Variants in ARHGAP23 observed in about 807,000 individuals in gnomAD.
ARHGAP23 encodes the protein rho GTPase-activating protein 23.
ARHGAP23 carries 34 observed loss-of-function variants against 136.3 expected under a neutral mutation model. The observed-to-expected ratio is 0.25, with a 90% CI of 0.19 to 0.33. The LOEUF is 0.33. ARHGAP23 is among the 10% of genes least tolerant of loss of function. The probability of loss-of-function intolerance (pLI) is 1.00; values close to 1 mark genes in which losing one functional copy is unlikely to be tolerated. For missense variants in ARHGAP23, 1,808 were observed against 2,139.0 expected (o/e 0.85, Z 3.05); for synonymous variants, 832 against 920.5 (o/e 0.90, Z 1.74).
At chr17:38,493,546 C>A (rs1026927810) in intron 20 of ARHGAP23, among the ~76,000 whole-genome samples, 12 of 152,214 alleles carry the variant, frequency 7.9e-5, no homozygotes, top group Non-Finnish European at 1.5e-4. Context: ...GAGCTAGTGT[C>A]CTTCCCTTCT....
intron 6 of ARHGAP23, among the ~76,000 whole-genome samples, chr17:38,464,349 C>T (rs1424830013): frequency 6.6e-6 from 1 of 152,146 alleles, no homozygotes; most frequent in African/African-American, 2.4e-5. Context: ...GGAGCCCCGG[C>T]GGTCCGCTTT....
chr17:38,444,236 G>A (rs994216643), intron 1 of ARHGAP23, among the ~76,000 whole-genome samples: 5 of 152,072 alleles, frequency 3.3e-5, no homozygotes, highest in African/African-American at 7.2e-5. Context: ...CCTTCTGCTC[G>A]CTCTGGGTTG....
intron 2 of ARHGAP23, among the ~76,000 whole-genome samples, chr17:38,460,432 C>T (rs1001163077): frequency 2.3e-4 from 35 of 152,270 alleles, no homozygotes; most frequent in Admixed American, 1.2e-3. Context: ...CTGCACACCC[C>T]GCCTCCCTTG....
intron 1 of ARHGAP23, among the ~76,000 whole-genome samples, chr17:38,436,770 A>T (rs921456822): frequency 6.6e-6 from 1 of 152,146 alleles, no homozygotes; most frequent in Non-Finnish European, 1.5e-5. Context: ...TATTAATGTA[A>T]AAACGGCCCA....
At chr17:38,472,471 T>C (rs1287184022) in intron 11 of ARHGAP23, among the ~76,000 whole-genome samples, 2 of 151,976 alleles carry the variant, frequency 1.3e-5, no homozygotes, top group Admixed American at 1.3e-4. Context: ...AAATATTCAT[T>C]TGGCTCCCTG....
chr17:38,470,017 T>C, intron 10 of ARHGAP23, 113 bp downstream of exon 10: 1 of 1,304,378 alleles, frequency 7.7e-7, no homozygotes, highest in Non-Finnish European at 1.1e-6. Context: ...GCTCCTGCCT[T>C]CCTCCTCCTC....
At chr17:38,430,955 C>G (rs1354042142) in intron 1 of ARHGAP23, among the ~76,000 whole-genome samples, 1 of 152,204 alleles carries the variant, frequency 6.6e-6, no homozygotes, top group Non-Finnish European at 1.5e-5. Context: ...TTGATCCTCA[C>G]AATACCACTA....
chr17:38,503,424 T>A (rs56237387), intron 23 of ARHGAP23, among the ~76,000 whole-genome samples: 1 of 152,342 alleles, frequency 6.6e-6, no homozygotes, highest in Non-Finnish European at 1.5e-5. Context: ...AGAAGCATCA[T>A]GGGCAGGCCG....
At chr17:38,481,783 CT>C (rs1441555214) in intron 14 of ARHGAP23, among the ~76,000 whole-genome samples, 1 of 152,190 alleles carries the variant, frequency 6.6e-6, no homozygotes, top group Admixed American at 6.5e-5. Flanking sequence ...TGGCTTCCGC[CT>C]TGTAGTTTTG....
intron 1 of ARHGAP23, among the ~76,000 whole-genome samples, chr17:38,448,373 G>A (rs2039080249): frequency 6.6e-6 from 1 of 152,126 alleles, no homozygotes; most frequent in African/African-American, 2.4e-5. Context: ...CGTCGAAACA[G>A]CCTGCATTTA....
chr17:38,440,465 A>G (rs1242705087), intron 1 of ARHGAP23, among the ~76,000 whole-genome samples: 3 of 152,252 alleles, frequency 2.0e-5, no homozygotes, highest in African/African-American at 4.8e-5. Flanking sequence ...CAACTTCTAC[A>G]TGCCAGGCAC....
intron 2 of ARHGAP23, among the ~76,000 whole-genome samples, chr17:38,460,376 T>C (rs1250235423): frequency 1.3e-5 from 2 of 152,210 alleles, no homozygotes; most frequent in South Asian, 4.1e-4. Flanking sequence ...AACTCAGCGA[T>C]TCAGCCCCTG....
rs1025130559 is a variant in ARHGAP23, at chr17:38,466,537, A to G, written c.854A>G (p.Gln285Arg). The change falls in exon 7 of 24, where the codon CAG (glutamine) becomes CGG (arginine). Residue 285 changes from glutamine (Q) to arginine (R), a missense_variant. Gln to Arg is a conservative substitution (Grantham distance 43, BLOSUM62 1). Transcript: ENST00000622683. Reference sequence around the variant, plus strand: ...GTGCCCCCCAGCAGACTGGAGTGCCAGCAGGCCTTGTCACACTGGCTGTCA... The same window carrying G: ...GTGCCCCCCAGCAGACTGGAGTGCCGGCAGGCCTTGTCACACTGGCTGTCA... ...SRVPPSRLEC[Q>R]QALSHWLSNQ... The G allele has an allele frequency of 6.8e-7, 1 of 1,477,846 alleles. No homozygotes were observed. The highest frequency in any genetic ancestry group is 8.9e-7 in the Non-Finnish European group (1 of 1,119,264). The allele number at this position is 1,477,846 out of a possible 1,614,324, so 91.5% of individuals were successfully genotyped here.
chr17:38,439,934 T>A (rs924380171), intron 1 of ARHGAP23, among the ~76,000 whole-genome samples: 2 of 151,998 alleles, frequency 1.3e-5, no homozygotes, highest in Admixed American at 6.6e-5. Flanking sequence ...CTCATCGTGT[T>A]GACCAGGCTG....
rs572857474 is a variant in ARHGAP23 at position 38,471,802 on chromosome 17, G to A, written c.1975-61G>A. ...TGTGCGGCCACAAGTGGTCCATGGG[G>A]TTCCTGAGATGCTGGCATTGTGGGA... On this transcript the variant is annotated intron_variant, in intron 10 of 23. Transcript: ENST00000622683. The A allele has an allele frequency of 3.5e-5, 52 of 1,467,204 alleles. No homozygotes were observed. In the African/African-American group the frequency reaches 6.5e-4, roughly 18 times the overall value. The allele number at this position is 1,467,204 out of a possible 1,614,324, so 90.9% of individuals were successfully genotyped here. A position where few individuals can be genotyped will look rare whatever the true frequency, so the allele number is the denominator to read the frequency against.
chr17:38,497,861 C>T (rs751972234), intron 21 of ARHGAP23, 35 bp downstream of exon 21: 1 of 1,550,198 alleles, frequency 6.5e-7, no homozygotes, highest in Non-Finnish European at 8.7e-7. Flanking sequence ...GGCATGGGGG[C>T]TGGTCTGGGG....
At chr17:38,469,726 T>C (rs2039700426) in intron 9 of ARHGAP23, 91 bp downstream of exon 9, 2 of 1,504,362 alleles carry the variant, frequency 1.3e-6, no homozygotes, top group East Asian at 2.5e-5. Flanking sequence ...GGGTCCTCTA[T>C]GCATGGGACA....
At chr17:38,449,962 G>T (rs952206466) in intron 1 of ARHGAP23, among the ~76,000 whole-genome samples, 1 of 152,120 alleles carries the variant, frequency 6.6e-6, no homozygotes, top group East Asian at 1.9e-4. Flanking sequence ...GACTCAGGAC[G>T]CTCTCCTCCC....
In ARHGAP23 at chr17:38,471,949, C is replaced by T. The variant is rs1384148835; in HGVS notation, c.2061C>T (p.Ser687=). Residue 687 remains serine, a synonymous_variant, in exon 11 of 24, where the codon AGC becomes AGT. Transcript: ENST00000622683. ...STSDLSDATF[S]DIRREGWLYY... ...CTGACCTCTCAGATGCGACCTTCAGCGATATCAGGAGAGAAGGCTGGTTGT... is the reference window on the plus strand; with the variant it reads ...CTGACCTCTCAGATGCGACCTTCAGTGATATCAGGAGAGAAGGCTGGTTGT... 12 of 1,549,598 alleles carry T rather than the reference C, an allele frequency of 7.7e-6. No homozygotes were observed. Among genetic ancestry groups the T allele is most frequent in the African/African-American group, 1.4e-5 (1 of 72,962 alleles).
Sources: gnomAD v4.1 joint callset for allele counts (sites outside exome capture counted in the v4.1 genomes callset) on GRCh38, gnomAD v4.1.1 for gene constraint, MANE v1.5 for transcripts, NCBI Gene and HGNC (gene_info 2026-07-23, HGNC 2026-07-21) for gene names.